Variants in CEP72 observed in about 807,000 individuals in gnomAD.
The protein encoded by CEP72 is centrosomal protein 72.
Under a neutral mutation model 65.7 loss-of-function variants are expected in CEP72, and 78 were observed. That is an observed-to-expected ratio of 1.19 (90% confidence interval 0.99 to 1.43). CEP72 has a LOEUF of 1.43. Ranked by LOEUF, CEP72 falls within the 40% of genes most tolerant of loss-of-function variation. The probability of loss-of-function intolerance (pLI) is 0.00; values close to 1 mark genes in which losing one functional copy is unlikely to be tolerated. For synonymous variants in CEP72, 358 were observed against 351.7 expected (o/e 1.02, Z -0.20); for missense variants, 914 against 832.9 (o/e 1.10, Z -1.20).
downstream of CEP72, among the ~76,000 whole-genome samples, chr5:655,253 G>C (rs750084952): frequency 1.3e-5 from 2 of 152,054 alleles, no homozygotes; most frequent in South Asian, 2.1e-4. This position sits in a 1 kb window ranked among gnomAD's most constrained non-coding sequence, Gnocchi z 5.0. Flanking sequence ...CAGCTTCTTG[G>C]GGGGCTGAGG....
At chr5:664,920 A>C (rs1739830238) in intron 2 of CEP72, 1 of 641,910 alleles carries the variant, frequency 1.6e-6, no homozygotes, top group Non-Finnish European at 2.6e-6. Flanking sequence ...TTGAGAGGGG[A>C]GTGCTGGGGG....
At chr5:651,746 G>A (rs916126697) in intron 11 of CEP72, among the ~76,000 whole-genome samples, 1 of 152,024 alleles carries the variant, frequency 6.6e-6, no homozygotes, top group African/African-American at 2.4e-5. Flanking sequence ...GCAGTTTTGT[G>A]GGTGCTGCTG....
chr5:649,598 CTGTG>C (rs1329947772), intron 11 of CEP72, among the ~76,000 whole-genome samples: 110 of 86,900 alleles, frequency 1.3e-3, no homozygotes, highest in African/African-American at 4.9e-3. Flanking sequence ...TGAGGCGTGA[CTGTG>C]AGGCGTGGAC....
downstream of CEP72, among the ~76,000 whole-genome samples, chr5:670,366 C>G (rs935724115): frequency 1.3e-5 from 2 of 152,212 alleles, no homozygotes; most frequent in African/African-American, 4.8e-5. Flanking sequence ...CTGGAGTGCC[C>G]TGTCCAGAGG....
In CEP72 at chr5:645,968, G is replaced by T. The variant is rs889800845; in HGVS notation, c.1666+1543G>T. On this transcript the variant is annotated intron_variant, in intron 10 of 11. Coordinates refer to ENST00000264935, the MANE Select transcript of CEP72 (RefSeq NM_018140.4). This position sits in a 1 kb window ranked among gnomAD's most constrained non-coding sequence, Gnocchi z 4.0. ...TCACTCCTGCTCCCGTTGGCGCCCTGTGTGGATGGTGAATTCGGCTTCCTT... is the reference window on the plus strand; with the variant it reads ...TCACTCCTGCTCCCGTTGGCGCCCTTTGTGGATGGTGAATTCGGCTTCCTT... Among the ~76,000 whole-genome samples the T allele has an allele frequency of 2.6e-5, 4 of 151,254 alleles. No homozygotes were observed. Among genetic ancestry groups the T allele is most frequent in the African/African-American group, 7.3e-5 (3 of 41,026 alleles).
At chr5:614,219 C>T (rs867547386) in intron 1 of CEP72, among the ~76,000 whole-genome samples, 2 of 151,872 alleles carry the variant, frequency 1.3e-5, no homozygotes, top group Admixed American at 1.3e-4. Flanking sequence ...TTATTTCCTT[C>T]TTTCTGCTTG....
chr5:633,873 G>T lies in CEP72; in HGVS notation c.617G>T (p.Trp206Leu). The T allele has an allele frequency of 1.2e-6, 2 of 1,613,738 alleles. No individual in the cohort carries two copies. The highest frequency in any genetic ancestry group is 8.5e-7 in the Non-Finnish European group (1 of 1,180,036). Residue 206 changes from tryptophan to leucine, a missense_variant, in exon 5 of 12, where the codon TGG becomes TTG. By Grantham distance (61) the Trp-to-Leu change is moderately conservative. Transcript: ENST00000264935. ...CTGAACCTCATTGCAGAGTGCGAGT[G>T]GGACCTCGGCAGGCCTCCCGGGAGC... ...AVLNLIAECE[W>L]DLGRPPGSTS... is the part of the protein sequence containing the mutation.
chr5:631,675 C>T (rs1317847902), intron 4 of CEP72, among the ~76,000 whole-genome samples: 5 of 51,258 alleles, frequency 9.8e-5, no homozygotes, highest in Non-Finnish European at 1.2e-4. Flanking sequence ...TGTCCAGTGC[C>T]GGGATTTAGA....
chr5:620,284 C>T, intron 3 of CEP72, 23 bp downstream of exon 3: 1 of 1,602,822 alleles, frequency 6.2e-7, no homozygotes, highest in Non-Finnish European at 8.5e-7. Context: ...CAGGGCCACG[C>T]TCATGCTTTT....
At chr5:615,134 C>CTT (rs373343998) in intron 1 of CEP72, among the ~76,000 whole-genome samples, 42,510 of 120,142 alleles carry the variant, frequency 0.35, 8,211 homozygotes, top group Non-Finnish European at 0.37. Flanking sequence ...TAGTCTTCCT[C>CTT]TTTTTTTTTT....
chr5:675,736 G>T, the CEP72 span: 1 of 153,594 alleles, frequency 6.5e-6, no homozygotes, highest in Non-Finnish European at 1.5e-5. Context: ...CTGGTCTCAA[G>T]GGGCCCCAGG....
At chr5:636,635 A>T (rs1737619514) in intron 6 of CEP72, among the ~76,000 whole-genome samples, 1 of 152,040 alleles carries the variant, frequency 6.6e-6, no homozygotes, top group South Asian at 2.1e-4. Flanking sequence ...ACATGGTGAA[A>T]CCAGGTCTCT....
rs973172564 is a variant in CEP72 at position 642,739 on chromosome 5, G to A, written c.1540-1560G>A. ...AGAAGAATCTGGCAGCCCGAGCCCC[G>A]CGGGTAAGGAGCAGTCAGCACCGTC... On this transcript the variant is annotated intron_variant, in intron 9 of 11. Transcript: ENST00000264935. The A allele has an allele frequency of 9.1e-6, 9 of 985,354 alleles. No individual in the cohort carries two copies. The South Asian group carries it at 1.4e-4, about 15-fold the overall frequency. 61.0% of individuals were successfully genotyped at this position (985,354 alleles called of 1,614,324 possible). A position where few individuals can be genotyped will look rare whatever the true frequency, so the allele number is the denominator to read the frequency against.
the CEP72 span, among the ~76,000 whole-genome samples, chr5:675,222 A>C: frequency 7.1e-5 from 3 of 42,456 alleles, no homozygotes; most frequent in African/African-American, 1.1e-4. Context: ...CCGGGGGTGC[A>C]GTGTGGCTGG....
chr5:637,647 T>A lies in CEP72; in HGVS notation c.1035T>A (p.Phe345Leu), dbSNP rs187718758. The change falls in exon 7 of 12, where the codon TTT becomes TTA. Residue 345 changes from phenylalanine to leucine, a missense_variant. Physicochemically the swap from Phe to Leu is conservative, Grantham distance 22. Transcript: ENST00000264935. ...RRMPVGRFQTFSDQEGLGCPE... is the reference protein window; with the variant it reads ...RRMPVGRFQTLSDQEGLGCPE... ...TGCCTGTTGGAAGATTCCAGACGTT[T>A]TCGGACCAGGAGGGTTTGGGCTGCC... The A allele has an allele frequency of 2.5e-5, 40 of 1,614,012 alleles. No homozygotes were observed. In the East Asian group the frequency reaches 8.2e-4, roughly 33 times the overall value.
At chr5:618,605 CG>C (rs1454310613) in intron 1 of CEP72, among the ~76,000 whole-genome samples, 1 of 150,988 alleles carries the variant, frequency 6.6e-6, no homozygotes, top group South Asian at 2.1e-4. Flanking sequence ...CAGCAGGGGC[CG>C]GGGGGAGTTT....
chr5:660,162 G>C (rs937607225), downstream of CEP72: 1 of 151,520 alleles, frequency 6.6e-6, no homozygotes, highest in South Asian at 2.1e-4. Flanking sequence ...GATGCACTCA[G>C]TACTCCCTAA....
intron 4 of CEP72, among the ~76,000 whole-genome samples, chr5:633,139 G>A (rs1480120674): frequency 1.2e-5 from 1 of 85,232 alleles, no homozygotes; most frequent in Non-Finnish European, 2.1e-5. Context: ...AGTCCTGGTG[G>A]GGTTCTGTCC....
the CEP72 span, among the ~76,000 whole-genome samples, chr5:672,854 C>T: frequency 1.3e-5 from 2 of 152,214 alleles, no homozygotes; most frequent in Admixed American, 1.3e-4. Flanking sequence ...AAAAACCTGG[C>T]GTAAGGCTGC....
Sources: gnomAD v4.1 joint callset for allele counts (sites outside exome capture counted in the v4.1 genomes callset) on GRCh38, gnomAD v4.1.1 for gene constraint, Gnocchi (gnomAD v3.1) non-coding constraint, MANE v1.5 for transcripts, NCBI Gene and HGNC (gene_info 2026-07-23, HGNC 2026-07-21) for gene names.